Variants in CA10 observed in about 807,000 individuals in gnomAD.
The protein encoded by CA10 is carbonic anhydrase 10 (inactive), also known as carbonic anhydrase-related protein 10.
In CA10, 14 loss-of-function variants were observed where a neutral mutation model predicts 44.2. That is an observed-to-expected ratio of 0.32 (90% CI 0.21 to 0.50). CA10 has a LOEUF of 0.50. CA10 is among the 20% of genes least tolerant of loss of function. CA10 has a pLI of 0.99. For synonymous variants in CA10, 159 were observed against 141.6 expected, an observed-to-expected ratio of 1.12 and a Z score of -0.87; for missense variants, 350 against 409.7, an observed-to-expected ratio of 0.85 and a Z score of 1.26.
intron 4 of CA10, among the ~76,000 whole-genome samples, chr17:51,715,353 A>G (rs1916071829): frequency 6.6e-6 from 1 of 152,010 alleles, no homozygotes; most frequent in South Asian, 2.1e-4. Context: ...AACTTAAAAT[A>G]TAATAATAAT....
intron 3 of CA10, among the ~76,000 whole-genome samples, chr17:51,754,086 C>T (rs1904990652): frequency 6.6e-6 from 1 of 151,966 alleles, no homozygotes; most frequent in African/African-American, 2.4e-5. Flanking sequence ...TCAGGTGATC[C>T]ACCTGCCTCG....
chr17:51,818,378 C>T (rs750167431), intron 3 of CA10, among the ~76,000 whole-genome samples: 4 of 152,174 alleles, frequency 2.6e-5, no homozygotes, highest in Admixed American at 6.5e-5. Context: ...TTAAGTATAT[C>T]TTATTTGCTT....
intron 1 of CA10, among the ~76,000 whole-genome samples, chr17:52,096,891 T>G (rs1417937486): frequency 6.6e-6 from 1 of 152,214 alleles, no homozygotes; most frequent in African/African-American, 2.4e-5. Context: ...GTAACTTGCT[T>G]TTTTCATTTA....
chr17:51,938,733 G>A (rs1982961574), intron 2 of CA10, among the ~76,000 whole-genome samples: 1 of 152,092 alleles, frequency 6.6e-6, no homozygotes, highest in South Asian at 2.1e-4. Context: ...AGAGAAAGGA[G>A]GAAGAGGGAA....
intron 3 of CA10, among the ~76,000 whole-genome samples, chr17:51,884,249 C>G (rs563632125): frequency 1.2e-4 from 19 of 152,172 alleles, no homozygotes; most frequent in Non-Finnish European, 2.5e-4. Context: ...TAATTTTCAA[C>G]ACAGAGTGAT....
chr17:51,911,398 C>T (rs967983210), intron 3 of CA10, among the ~76,000 whole-genome samples: 10 of 152,046 alleles, frequency 6.6e-5, no homozygotes, highest in African/African-American at 1.9e-4. Context: ...GGATATTATT[C>T]GCATATCCAA....
chr17:51,685,075 C>T (rs1309258798), intron 4 of CA10, among the ~76,000 whole-genome samples: 1 of 152,154 alleles, frequency 6.6e-6, no homozygotes, highest in African/African-American at 2.4e-5. Flanking sequence ...CAGATATAGC[C>T]ATCTGAGGAC....
Position 52,150,856 on chromosome 17 carries a change from T to C in CA10, c.61+6870A>G, listed in dbSNP as rs1041577644. On this transcript the variant is annotated intron_variant, in intron 1 of 8. Coordinates refer to ENST00000451037, the MANE Select transcript of CA10 (RefSeq NM_020178.5). Reference sequence around the variant, plus strand: ...ATTCAAGTACAAAATTGAAGATATTTGTATTTGCTTAACCTGAAAATACCA... The same window carrying C: ...ATTCAAGTACAAAATTGAAGATATTCGTATTTGCTTAACCTGAAAATACCA... Among the ~76,000 whole-genome samples, 11 of 152,284 alleles carry C rather than the reference T, an allele frequency of 7.2e-5. No individual in the cohort carries two copies. In the South Asian group the frequency reaches 1.0e-3, roughly 14 times the overall value.
chr17:51,709,855 A>C (rs532965603), intron 4 of CA10, among the ~76,000 whole-genome samples: 17 of 152,316 alleles, frequency 1.1e-4, no homozygotes, highest in African/African-American at 2.9e-4. Flanking sequence ...CACAGAAAAC[A>C]AGAGCTCCTT....
chr17:51,865,476 T>C (rs1264532846), intron 3 of CA10, among the ~76,000 whole-genome samples: 2 of 152,150 alleles, frequency 1.3e-5, no homozygotes, highest in Non-Finnish European at 2.9e-5. Context: ...TGAAAAGACA[T>C]TTATAGTGCA....
chr17:51,887,418 A>G (rs1360222792), intron 3 of CA10, among the ~76,000 whole-genome samples: 1 of 152,188 alleles, frequency 6.6e-6, no homozygotes, highest in African/African-American at 2.4e-5. Context: ...AGATGAGTAG[A>G]AACTCTGGGC....
At chr17:51,878,138 C>T (rs143651056) in intron 3 of CA10, among the ~76,000 whole-genome samples, 1,134 of 102,524 alleles carry the variant, frequency 0.011, 14 homozygotes, top group African/African-American at 0.044. Context: ...AGCATGACTC[C>T]GTCTCAAAAA....
chr17:51,774,369 A>C (rs1273063583), intron 3 of CA10, among the ~76,000 whole-genome samples: 1 of 151,702 alleles, frequency 6.6e-6, no homozygotes, highest in East Asian at 1.9e-4. Context: ...TTTGGCTATT[A>C]TATTCTGTGA....
At chr17:51,641,148 TCAGCTCTCTCTCTCTCTCCTCTC>T (rs1913065977) in intron 6 of CA10, among the ~76,000 whole-genome samples, 1 of 148,724 alleles carries the variant, frequency 6.7e-6, no homozygotes, top group Non-Finnish European at 1.5e-5. Context: ...TCTCTCTCTC[TCAGCTCTCTCTCTCTCTCCTCTC>T]TCTCTCTCTC....
intron 8 of CA10, 79 bp from the exon 9 acceptor site, chr17:51,631,685 T>C: frequency 8.1e-7 from 1 of 1,236,702 alleles, no homozygotes; most frequent in Non-Finnish European, 1.2e-6. Context: ...GCACACAGTT[T>C]TAGAGAATTC....
chr17:51,698,592 C>T (rs1291826225), intron 4 of CA10, among the ~76,000 whole-genome samples: 1 of 151,906 alleles, frequency 6.6e-6, no homozygotes, highest in Non-Finnish European at 1.5e-5. Flanking sequence ...TAAGATCTAC[C>T]CTCATACAAA....
At chr17:51,677,470 T>C (rs1914664816) in intron 4 of CA10, among the ~76,000 whole-genome samples, 1 of 152,200 alleles carries the variant, frequency 6.6e-6, no homozygotes, top group African/African-American at 2.4e-5. Context: ...CAGAAGCAGA[T>C]GCTGCCATGC....
At chr17:51,867,864 A>T (rs149915724) in intron 3 of CA10, among the ~76,000 whole-genome samples, 6 of 152,348 alleles carry the variant, frequency 3.9e-5, no homozygotes, top group Admixed American at 2.6e-4. Context: ...TGGGAAATGT[A>T]AAAAGAAAGT....
In CA10 at chr17:51,688,814, G is replaced by A. The variant is rs369354784; in HGVS notation, c.466-35078C>T. 4.6e-5 allele frequency among the ~76,000 whole-genome samples: 7 copies of A among 152,072 alleles called. No homozygotes were observed. The East Asian group carries it at 9.7e-4, about 21-fold the overall frequency. ...TCCCTGTATTCTTTTCTCTATTATA[G>A]CACTTATCATGTGTATTACAATTAG... is the stretch of plus-strand genomic sequence containing the variant. On this transcript the variant is annotated intron_variant, in intron 4 of 8. Transcript: ENST00000451037.
Sources: gnomAD v4.1 joint callset for allele counts (sites outside exome capture counted in the v4.1 genomes callset) on GRCh38, gnomAD v4.1.1 for gene constraint, MANE v1.5 for transcripts, NCBI Gene and HGNC (gene_info 2026-07-23, HGNC 2026-07-21) for gene names.